Variants in NEK7 observed in about 807,000 individuals in gnomAD.
The protein encoded by NEK7 is serine/threonine-protein kinase Nek7.
Under a neutral mutation model 44.6 loss-of-function variants are expected in NEK7, and 18 were observed. That is an observed-to-expected ratio of 0.40 (90% confidence interval 0.28 to 0.60). NEK7 has a LOEUF of 0.60. Among genes scored for constraint, NEK7 ranks in the 20% least tolerant of loss-of-function variants. The pLI is 0.38. For synonymous variants in NEK7, 130 were observed against 121.1 expected, an observed-to-expected ratio of 1.07 and a Z score of -0.48; for missense variants, 256 against 366.5, an observed-to-expected ratio of 0.70 and a Z score of 2.46.
intron 5 of NEK7, among the ~76,000 whole-genome samples, chr1:198,271,843 T>C (rs1653853687): frequency 6.7e-6 from 1 of 150,202 alleles, no homozygotes; most frequent in African/African-American, 2.4e-5. Context: ...GTTAGCACTA[T>C]CTGAAAAAAC....
chr1:198,261,170 T>C (rs945250956), intron 3 of NEK7, among the ~76,000 whole-genome samples: 1 of 151,998 alleles, frequency 6.6e-6, no homozygotes, highest in African/African-American at 2.4e-5. Context: ...GGAAGGAATT[T>C]CTTCCTTAGG....
chr1:198,184,754 G>C (rs1047929457), intron 1 of NEK7, among the ~76,000 whole-genome samples: 1 of 151,956 alleles, frequency 6.6e-6, no homozygotes, highest in Non-Finnish European at 1.5e-5. Context: ...CTGCGGCTTC[G>C]AACTCCAGGG....
intron 9 of NEK7, among the ~76,000 whole-genome samples, chr1:198,299,293 C>A (rs6682563): frequency 0.023 from 3,466 of 152,206 alleles, 59 homozygotes; most frequent in African/African-American, 0.047. Flanking sequence ...GTTCTCAAAA[C>A]AAGAGCTTTG....
At chr1:198,252,700 G>A (rs1336589007) in intron 2 of NEK7, among the ~76,000 whole-genome samples, 1 of 148,012 alleles carries the variant, frequency 6.8e-6, no homozygotes, top group African/African-American at 2.5e-5. Context: ...ATTAAAACAT[G>A]TATGTATGTT....
At chr1:198,311,821 G>A (rs1655193484) in intron 9 of NEK7, among the ~76,000 whole-genome samples, 1 of 152,098 alleles carries the variant, frequency 6.6e-6, no homozygotes, top group Non-Finnish European at 1.5e-5. Flanking sequence ...TTTTTGATGT[G>A]CTGCTGGATT....
chr1:198,180,878 GA>G (rs962451886), intron 1 of NEK7, among the ~76,000 whole-genome samples: 95 of 152,068 alleles, frequency 6.2e-4, no homozygotes, highest in African/African-American at 2.2e-3. Context: ...TTTCTAATAG[GA>G]AAAACTGTCT....
chr1:198,294,119 A>G (rs1654640685), intron 8 of NEK7, among the ~76,000 whole-genome samples: 2 of 151,968 alleles, frequency 1.3e-5, no homozygotes, highest in Admixed American at 1.3e-4. Flanking sequence ...TCCTTAATTT[A>G]AGGAACCTGA....
At chr1:198,300,476 C>T (rs1299380928) in intron 9 of NEK7, among the ~76,000 whole-genome samples, 1 of 152,208 alleles carries the variant, frequency 6.6e-6, no homozygotes, top group Non-Finnish European at 1.5e-5. Flanking sequence ...AAGAAACTCA[C>T]TCTTTTCCTT....
At chr1:198,298,916 C>A (rs1654794567) in intron 9 of NEK7, among the ~76,000 whole-genome samples, 1 of 152,202 alleles carries the variant, frequency 6.6e-6, no homozygotes, top group Non-Finnish European at 1.5e-5. Flanking sequence ...GTCGGCCTGC[C>A]TGCAGGGCTA....
At chr1:198,167,762 G>A (rs999783360) in intron 1 of NEK7, among the ~76,000 whole-genome samples, 2 of 152,082 alleles carry the variant, frequency 1.3e-5, no homozygotes, top group African/African-American at 2.4e-5. Context: ...TTCACAGCTC[G>A]ACTGCACCAG....
At chr1:198,167,368 C>T (rs1479275367) in intron 1 of NEK7, among the ~76,000 whole-genome samples, 1 of 152,114 alleles carries the variant, frequency 6.6e-6, no homozygotes, top group Non-Finnish European at 1.5e-5. Flanking sequence ...TTGGTCTTAA[C>T]AGCAGATTTT....
chr1:198,312,603 G>C (rs1444569122), intron 9 of NEK7, among the ~76,000 whole-genome samples: 1 of 151,744 alleles, frequency 6.6e-6, no homozygotes, highest in Non-Finnish European at 1.5e-5. Flanking sequence ...TCTACACACT[G>C]CTTTAAATGA....
chr1:198,286,255 G>A (rs2102995124), intron 7 of NEK7, among the ~76,000 whole-genome samples: 1 of 152,200 alleles, frequency 6.6e-6, no homozygotes, highest in Middle Eastern at 3.4e-3. Flanking sequence ...CAGTGACCAA[G>A]CCAGAGTTCA....
chr1:198,160,263 A>G (rs1030769944), intron 1 of NEK7, among the ~76,000 whole-genome samples: 59 of 151,468 alleles, frequency 3.9e-4, no homozygotes, highest in Middle Eastern at 3.4e-3. Flanking sequence ...ACTTTTGGGG[A>G]AAAAAAAAGT....
chr1:198,246,620 G>A (rs557046942), intron 2 of NEK7, among the ~76,000 whole-genome samples: 35 of 152,364 alleles, frequency 2.3e-4, no homozygotes, highest in Admixed American at 1.3e-3. Context: ...ACATGCAAAT[G>A]TAGGTCATTG....
chr1:198,197,923 A>G lies in NEK7; in HGVS notation c.-28-34630A>G, dbSNP rs529967691. On this transcript the variant is annotated intron_variant, in intron 1 of 9. Coordinates refer to ENST00000367385, the MANE Select transcript of NEK7 (RefSeq NM_133494.3). ...GTCCGAACATGCCAGGAGCCAAGGG[A>G]TTCACAGGAGGCATCCAGGGGCAGG... 7.1e-5 allele frequency: 100 copies of G among 1,405,802 alleles called. No individual in the cohort carries two copies. The East Asian group carries it at 1.0e-3, about 14-fold the overall frequency. 87.1% of individuals were successfully genotyped at this position (1,405,802 alleles called of 1,614,324 possible). A position where few individuals can be genotyped will look rare whatever the true frequency, so the allele number is the denominator to read the frequency against.
intron 9 of NEK7, among the ~76,000 whole-genome samples, chr1:198,316,384 A>G (rs930789495): frequency 1.1e-4 from 16 of 152,352 alleles, no homozygotes; most frequent in African/African-American, 3.6e-4. Flanking sequence ...AATAAATGTG[A>G]AAGTGACCCA....
chr1:198,242,282 T>C (rs73080717), intron 2 of NEK7, among the ~76,000 whole-genome samples: 19,369 of 152,114 alleles, frequency 0.13, 1,897 homozygotes, highest in African/African-American at 0.26. Flanking sequence ...TTTTGTAAAA[T>C]GTGTATCAGA....
At chr1:198,290,482 G>T (rs1013717514) in intron 7 of NEK7, among the ~76,000 whole-genome samples, 3 of 152,114 alleles carry the variant, frequency 2.0e-5, no homozygotes, top group Non-Finnish European at 4.4e-5. Flanking sequence ...ATAGAGAGAG[G>T]TAAGGACTAA....
Sources: gnomAD v4.1 joint callset for allele counts (sites outside exome capture counted in the v4.1 genomes callset) on GRCh38, gnomAD v4.1.1 for gene constraint, MANE v1.5 for transcripts, NCBI Gene and HGNC (gene_info 2026-07-23, HGNC 2026-07-21) for gene names.